ZBTB10: variants seen among roughly 807,000 people sequenced by gnomAD.
ZBTB10 encodes zinc finger and BTB domain containing 10, also known as zinc finger and BTB domain-containing protein 10.
In ZBTB10, 32 loss-of-function variants were observed where a neutral mutation model predicts 76.4. The observed-to-expected ratio is 0.42, with a 90% CI of 0.32 to 0.56. The LOEUF (loss-of-function observed/expected upper bound fraction) is 0.56, where lower values mean the gene tolerates loss of function less well. Among genes scored for constraint, ZBTB10 ranks in the 20% least tolerant of loss-of-function variants. The probability of loss-of-function intolerance (pLI) is 0.14; values close to 1 mark genes in which losing one functional copy is unlikely to be tolerated. For synonymous variants in ZBTB10, 523 were observed against 432.9 expected (o/e 1.21, Z -2.58); for missense variants, 1,057 against 1,098.5 (o/e 0.96, Z 0.53).
chr8:80,486,141 CCCCTCCCCCAGCCCGG>C (rs1815441872), upstream of ZBTB10: 11 of 437,556 alleles, frequency 2.5e-5, no homozygotes, highest in South Asian at 3.4e-4. Flanking sequence ...AAGCCCAGCC[CCCCTCCCCCAGCCCGG>C]CCCCCACCCT....
At chr8:80,507,861 G>A (rs536818693) in intron 2 of ZBTB10, among the ~76,000 whole-genome samples, 1 of 152,280 alleles carries the variant, frequency 6.6e-6, no homozygotes, top group African/African-American at 2.4e-5. Flanking sequence ...CAGCCTCCCA[G>A]AGTGCTGGGG....
In ZBTB10 at chr8:80,487,527, CA is replaced by C. The variant is rs1815506265; in HGVS notation, c.719del (p.Lys240SerfsTer3). 6.3e-7 allele frequency: 1 copy of C among 1,577,440 alleles called. No homozygotes were observed. On this transcript the variant is annotated frameshift_variant, in exon 1 of 6. Coordinates refer to ENST00000455036, the MANE Select transcript of ZBTB10 (RefSeq NM_001105539.3). LOFTEE classifies it high-confidence loss of function. ...TCCAGCACTTCCCGCTCGCGCGGCC[CA>C]AGTCTCTAATGCAGAAGCTCCAATG... ...TVQHFPLARP[K>X]SLMQKLQCSF...
intron 1 of ZBTB10, among the ~76,000 whole-genome samples, chr8:80,494,593 C>CT (rs1815733234): frequency 6.6e-6 from 1 of 151,838 alleles, no homozygotes; most frequent in Non-Finnish European, 1.5e-5. Context: ...TAATTAAGGT[C>CT]TTTTTTTTCT....
upstream of ZBTB10, chr8:80,485,604 C>T (rs749278324): frequency 5.7e-6 from 3 of 525,494 alleles, no homozygotes; most frequent in African/African-American, 4.0e-5. Flanking sequence ...ACACTCGGGG[C>T]GGTGCATTTT....
At chr8:80,489,640 C>T (rs780137461) in intron 1 of ZBTB10, among the ~76,000 whole-genome samples, 5 of 151,574 alleles carry the variant, frequency 3.3e-5, no homozygotes, top group South Asian at 2.1e-4. Context: ...GTATTCTTCT[C>T]CTCTGGGTAT....
chr8:80,514,108 T>C, intron 3 of ZBTB10, 100 bp downstream of exon 3: 1 of 1,039,002 alleles, frequency 9.6e-7, no homozygotes, highest in South Asian at 1.4e-5. Flanking sequence ...GGGGGTTCTA[T>C]TGTATATAAC....
intron 1 of ZBTB10, among the ~76,000 whole-genome samples, chr8:80,494,333 T>C (rs1465957191): frequency 6.6e-6 from 1 of 152,212 alleles, no homozygotes; most frequent in African/African-American, 2.4e-5. Flanking sequence ...ACAGGTGTGC[T>C]GTTTGACTTT....
At chr8:80,492,775 C>G (rs1815665290) in intron 1 of ZBTB10, among the ~76,000 whole-genome samples, 1 of 152,074 alleles carries the variant, frequency 6.6e-6, no homozygotes, top group East Asian at 1.9e-4. Context: ...CGCACCCGGC[C>G]TGAAGATTCT....
Position 80,487,516 on chromosome 8 carries a change from C to A in ZBTB10, c.706C>A (p.Leu236Ile). ...AGGAGAGACTGTCCAGCACTTCCCGCTCGCGCGGCCCAAGTCTCTAATGCA... is the reference window on the plus strand; with the variant it reads ...AGGAGAGACTGTCCAGCACTTCCCGATCGCGCGGCCCAAGTCTCTAATGCA... Reference protein sequence around the residue: ...GEGETVQHFPLARPKSLMQKL... With the variant: ...GEGETVQHFPIARPKSLMQKL... Residue 236 changes from leucine (L) to isoleucine (I), a missense_variant, in exon 1 of 6, where the codon CTC becomes ATC. Physicochemically the swap from Leu to Ile is conservative, Grantham distance 5 (BLOSUM62 2). Coordinates refer to ENST00000455036, the MANE Select transcript of ZBTB10 (RefSeq NM_001105539.3). 6.4e-7 allele frequency: 1 copy of A among 1,565,544 alleles called. No homozygotes were observed. The highest frequency in any genetic ancestry group is 8.7e-7 in the Non-Finnish European group (1 of 1,154,772).
At chr8:80,506,311 TTTTTTTC>T (rs1286330424) in intron 2 of ZBTB10, among the ~76,000 whole-genome samples, 4 of 152,110 alleles carry the variant, frequency 2.6e-5, no homozygotes, top group African/African-American at 9.7e-5. Flanking sequence ...GTTTTTTTTC[TTTTTTTC>T]TTTTTTCTTT....
At chr8:80,489,487 G>C (rs1311910751) in intron 1 of ZBTB10, among the ~76,000 whole-genome samples, 3 of 152,118 alleles carry the variant, frequency 2.0e-5, no homozygotes, top group Non-Finnish European at 4.4e-5. Context: ...AATCGGCTGT[G>C]GACCAATTCC....
chr8:80,520,787 A>AAAC lies in ZBTB10; in HGVS notation c.*1261_*1262insCAA, dbSNP rs1299729136. ...ATTCTGAGAAGCTTTATTATTCTAT[A>AAAC]AATTCTTCAGGGTACAAAGGGTGAC... On this transcript the variant is annotated 3_prime_UTR_variant, in exon 6 of 6. Coordinates refer to ENST00000455036, the MANE Select transcript of ZBTB10 (RefSeq NM_001105539.3). 1 of 151,822 alleles carries AAAC rather than the reference A, an allele frequency of 6.6e-6. No homozygotes were observed. The highest frequency in any genetic ancestry group is 2.4e-5 in the African/African-American group (1 of 41,326). 9.4% of individuals were successfully genotyped at this position (151,822 alleles called of 1,614,324 possible). A position where few individuals can be genotyped will look rare whatever the true frequency, so the allele number is the denominator to read the frequency against.
chr8:80,523,911 C>T lies in ZBTB10; in HGVS notation c.*4383C>T, dbSNP rs945691868. The T allele has an allele frequency of 1.3e-5, 2 of 151,914 alleles. No individual in the cohort carries two copies. Among genetic ancestry groups the T allele is most frequent in the African/African-American group, 4.8e-5 (2 of 41,422 alleles). The allele number at this position is 151,914 out of a possible 1,614,324, so 9.4% of individuals were successfully genotyped here. A position where few individuals can be genotyped will look rare whatever the true frequency, so the allele number is the denominator to read the frequency against. On this transcript the variant is annotated 3_prime_UTR_variant, in exon 6 of 6. Coordinates refer to ENST00000455036, the MANE Select transcript of ZBTB10 (RefSeq NM_001105539.3). ...CTTTGGGAAGATCTTTTACGAAGAC[C>T]AACTTTTTAAAATGTAAATTACCTA...
chr8:80,487,873 C>T, intron 1 of ZBTB10, 91 bp downstream of exon 1: 2 of 1,383,348 alleles, frequency 1.4e-6, no homozygotes, highest in Non-Finnish European at 1.9e-6. Flanking sequence ...CGAAAAAAAA[C>T]CTCAAAACCA....
chr8:80,496,476 A>G (rs1234555506), intron 1 of ZBTB10, among the ~76,000 whole-genome samples: 1 of 152,064 alleles, frequency 6.6e-6, no homozygotes, highest in Non-Finnish European at 1.5e-5. Flanking sequence ...TATAAAAACA[A>G]GGGACATTAA....
In ZBTB10 at chr8:80,486,498, C is replaced by T; in HGVS notation, c.-313C>T. On this transcript the variant is annotated 5_prime_UTR_variant, in exon 1 of 6. Transcript: ENST00000455036. ...TCGAAGGCCTCGCTCGCTGCAGGCT[C>T]GCTCCTCACCTCTCCGCCGCCCGCC... The T allele has an allele frequency of 1.4e-5, 14 of 985,504 alleles. No individual in the cohort carries two copies. Among genetic ancestry groups the T allele is most frequent in the Non-Finnish European group, 1.7e-5 (14 of 830,106 alleles). 61.0% of individuals were successfully genotyped at this position (985,504 alleles called of 1,614,324 possible).
chr8:80,510,953 T>G (rs1189124861), intron 2 of ZBTB10, among the ~76,000 whole-genome samples: 1 of 152,176 alleles, frequency 6.6e-6, no homozygotes, highest in African/African-American at 2.4e-5. Flanking sequence ...AATTAAGTGG[T>G]TGGTTGTTTG....
rs1353278043 is a variant in ZBTB10 at position 80,500,263 on chromosome 8, C to T, written c.1742C>T (p.Thr581Ile). 6 of 1,579,392 alleles carry T rather than the reference C, an allele frequency of 3.8e-6. No individual in the cohort carries two copies. In the South Asian group the frequency reaches 5.8e-5, roughly 15 times the overall value. ...AAAACAAGGAGGAAAAACCAAACTA[C>T]AAAAAGATTTATTTATAATATTCCA... ...TGKTRRKNQTTKRFIYNIPPN... is the reference protein window; with the variant it reads ...TGKTRRKNQTIKRFIYNIPPN... Residue 581 changes from threonine to isoleucine, a missense_variant, in exon 2 of 6, where the codon ACA (threonine) becomes ATA (isoleucine). By Grantham distance (89) the Thr-to-Ile change is moderately conservative. Around this residue, in one of 5 missense-constraint regions of ZBTB10, gnomAD observed 306 missense variants for 297.5 expected, o/e 1.03. Transcript: ENST00000455036.
intron 2 of ZBTB10, among the ~76,000 whole-genome samples, chr8:80,500,846 A>G (rs189472202): frequency 2.3e-4 from 35 of 152,238 alleles, no homozygotes; most frequent in African/African-American, 7.9e-4. Context: ...AGATTATGGT[A>G]TTCTAGTTTG....
Sources: gnomAD v4.1 joint callset for allele counts (sites outside exome capture counted in the v4.1 genomes callset) on GRCh38, gnomAD v4.1.1 for gene constraint, gnomAD v4.1.1 regional missense constraint, MANE v1.5 for transcripts, NCBI Gene and HGNC (gene_info 2026-07-23, HGNC 2026-07-21) for gene names.